Variants in FBXL7 observed in about 807,000 individuals in gnomAD.
FBXL7 encodes F-box/LRR-repeat protein 7.
In FBXL7, 12 loss-of-function variants were observed where a neutral mutation model predicts 38.3. That is an observed-to-expected ratio of 0.31 (90% CI 0.20 to 0.51). FBXL7 has a LOEUF of 0.51. Ranked by LOEUF, FBXL7 falls within the 20% of genes least tolerant of loss-of-function variation. The probability of loss-of-function intolerance (pLI) is 0.98; values close to 1 mark genes in which losing one functional copy is unlikely to be tolerated. For missense variants in FBXL7, 567 were observed against 676.4 expected (o/e 0.84, Z 1.79); for synonymous variants, 297 against 300.9 (o/e 0.99, Z 0.13).
intron 2 of FBXL7, among the ~76,000 whole-genome samples, chr5:15,717,692 T>C (rs986462206): frequency 3.3e-5 from 5 of 152,326 alleles, no homozygotes; most frequent in South Asian, 2.1e-4. Context: ...CTGTGTTGTA[T>C]ATCGGCCAAA....
At chr5:15,778,925 G>A (rs892740834) in intron 2 of FBXL7, among the ~76,000 whole-genome samples, 3 of 152,108 alleles carry the variant, frequency 2.0e-5, no homozygotes, top group African/African-American at 7.2e-5. Context: ...GATAAAAAAC[G>A]TGGTTTCTTA....
intron 2 of FBXL7, among the ~76,000 whole-genome samples, chr5:15,706,882 C>T (rs934826346): frequency 1.8e-4 from 28 of 151,934 alleles, no homozygotes; most frequent in African/African-American, 4.8e-4. Flanking sequence ...GATGTCTTCC[C>T]GACATCTCAA....
chr5:15,859,094 T>C (rs925253200), intron 2 of FBXL7, among the ~76,000 whole-genome samples: 2 of 152,270 alleles, frequency 1.3e-5, no homozygotes, highest in Admixed American at 1.3e-4. Context: ...AGCCATCCAA[T>C]TGTCTGTGCC....
chr5:15,525,578 T>A (rs1365637735), intron 1 of FBXL7, among the ~76,000 whole-genome samples: 1 of 151,954 alleles, frequency 6.6e-6, no homozygotes, highest in Non-Finnish European at 1.5e-5. Context: ...TAGGGCTTTT[T>A]CCTCCACACG....
rs1026833800 is a variant in FBXL7, at chr5:15,936,746, G to A, written c.1036G>A (p.Ala346Thr). The change falls in exon 4 of 4, where the codon GCC (alanine) becomes ACC (threonine). Residue 346 changes from alanine (A) to threonine (T), a missense_variant. By Grantham distance (58) the Ala-to-Thr change is moderately conservative. Coordinates refer to ENST00000504595, the MANE Select transcript of FBXL7 (RefSeq NM_012304.5). This position sits in a 1 kb window ranked among gnomAD's most constrained non-coding sequence, Gnocchi z 6.0. ...FVSDFGLREI[A>T]KLESRLRYLS... The stretch of plus-strand genomic sequence containing the variant: ...CAGCGACTTCGGCCTGCGGGAGATC[G>A]CCAAGCTGGAGTCCCGCCTGCGGTA... 2.5e-6 allele frequency: 4 copies of A among 1,608,998 alleles called. No homozygotes were observed. Among genetic ancestry groups the A allele is most frequent in the African/African-American group, 2.7e-5 (2 of 74,912 alleles).
At chr5:15,689,634 T>C (rs1287854299) in intron 2 of FBXL7, among the ~76,000 whole-genome samples, 1 of 152,170 alleles carries the variant, frequency 6.6e-6, no homozygotes. Context: ...TTAACTAAGA[T>C]AAACAAAAAC....
chr5:15,549,705 T>C (rs902496406), intron 1 of FBXL7, among the ~76,000 whole-genome samples: 3 of 152,196 alleles, frequency 2.0e-5, no homozygotes, highest in African/African-American at 7.2e-5. Flanking sequence ...TATAAGTAGC[T>C]ACATAATATC....
intron 2 of FBXL7, among the ~76,000 whole-genome samples, chr5:15,648,895 CTTTT>C (rs5866155): frequency 7.0e-6 from 1 of 143,540 alleles, no homozygotes. Flanking sequence ...TCAATTTCAA[CTTTT>C]TTTTTTTTTT....
At chr5:15,886,368 G>T (rs1001954071) in intron 2 of FBXL7, among the ~76,000 whole-genome samples, 1 of 152,078 alleles carries the variant, frequency 6.6e-6, no homozygotes, top group Non-Finnish European at 1.5e-5. Flanking sequence ...GTCCCTGTGG[G>T]TGGCCTTGTA....
At chr5:15,632,571 A>G (rs764954320) in intron 2 of FBXL7, among the ~76,000 whole-genome samples, 5 of 152,162 alleles carry the variant, frequency 3.3e-5, no homozygotes, top group African/African-American at 9.7e-5. Flanking sequence ...AGACACTCAT[A>G]TGTACATCAC....
intron 2 of FBXL7, among the ~76,000 whole-genome samples, chr5:15,817,801 C>G (rs1263377334): frequency 6.6e-6 from 1 of 152,184 alleles, no homozygotes; most frequent in Non-Finnish European, 1.5e-5. Flanking sequence ...CACTAAACCT[C>G]TATTTCTTTA....
chr5:15,627,797 A>T (rs981945961), intron 2 of FBXL7, among the ~76,000 whole-genome samples: 2 of 152,158 alleles, frequency 1.3e-5, no homozygotes, highest in African/African-American at 4.8e-5. Context: ...TCACGGACAC[A>T]GTTTGACCTT....
At chr5:15,846,159 C>T (rs766946100) in intron 2 of FBXL7, among the ~76,000 whole-genome samples, 9 of 152,162 alleles carry the variant, frequency 5.9e-5, no homozygotes, top group Non-Finnish European at 1.3e-4. Flanking sequence ...AGCAGGGTAT[C>T]ACAATGAATG....
chr5:15,699,804 A>G (rs920862100), intron 2 of FBXL7, among the ~76,000 whole-genome samples: 1 of 152,198 alleles, frequency 6.6e-6, no homozygotes, highest in African/African-American at 2.4e-5. Flanking sequence ...TCGGTAGGAA[A>G]TCCCCACTCT....
chr5:15,730,963 A>T lies in FBXL7; in HGVS notation c.127+114891A>T, dbSNP rs905485660. Among the ~76,000 whole-genome samples the T allele has an allele frequency of 4.6e-5, 7 of 152,304 alleles. No homozygotes were observed. In the East Asian group the frequency reaches 7.7e-4, roughly 17 times the overall value. On this transcript the variant is annotated intron_variant, in intron 2 of 3. Coordinates refer to ENST00000504595, the MANE Select transcript of FBXL7 (RefSeq NM_012304.5). ...TTGAAACTCCATGCCTATCATGAAG[A>T]TGTTAACAGGTGTTTTAAGCTAGAT...
chr5:15,589,437 G>A (rs866654734), intron 1 of FBXL7, among the ~76,000 whole-genome samples: 3 of 152,096 alleles, frequency 2.0e-5, no homozygotes, highest in South Asian at 4.1e-4. Flanking sequence ...AGCCAGGCAA[G>A]TTGTGCCTGC....
At chr5:15,555,107 C>A (rs576349046) in intron 1 of FBXL7, among the ~76,000 whole-genome samples, 1 of 152,302 alleles carries the variant, frequency 6.6e-6, no homozygotes, top group South Asian at 2.1e-4. Flanking sequence ...GTTTTCCATT[C>A]ATCCAAATTT....
intron 1 of FBXL7, among the ~76,000 whole-genome samples, chr5:15,503,291 C>A (rs1190352696): frequency 6.6e-6 from 1 of 152,142 alleles, no homozygotes; most frequent in African/African-American, 2.4e-5. Context: ...CGTGGTGGCG[C>A]ATGCCTGTAA....
At chr5:15,772,358 A>G (rs1359385166) in intron 2 of FBXL7, among the ~76,000 whole-genome samples, 4 of 152,234 alleles carry the variant, frequency 2.6e-5, no homozygotes, top group African/African-American at 7.2e-5. Context: ...AAGGCAGCTT[A>G]TAAGATTTCT....
Sources: gnomAD v4.1 joint callset for allele counts (sites outside exome capture counted in the v4.1 genomes callset) on GRCh38, gnomAD v4.1.1 for gene constraint, Gnocchi (gnomAD v3.1) non-coding constraint, MANE v1.5 for transcripts, NCBI Gene and HGNC (gene_info 2026-07-23, HGNC 2026-07-21) for gene names.